Variants in FOCAD observed in about 807,000 individuals in gnomAD.
FOCAD encodes focadhesin.
A neutral mutation model predicts 225.6 loss-of-function variants in FOCAD; 198 were observed. The ratio of observed to expected loss-of-function variants is 0.88; its 90% CI spans 0.78 to 0.99. FOCAD has a LOEUF of 0.99. Ranked by LOEUF, FOCAD falls within the 50% of genes least tolerant of loss-of-function variation. The pLI is 0.00. For synonymous variants in FOCAD, 897 were observed against 755.0 expected, an observed-to-expected ratio of 1.19 and a Z score of -3.08; for missense variants, 2,713 against 2,123.6, an observed-to-expected ratio of 1.28 and a Z score of -5.46.
At chr9:20,954,330 C>G (rs1299666570) in intron 35 of FOCAD, among the ~76,000 whole-genome samples, 3 of 152,216 alleles carry the variant, frequency 2.0e-5, no homozygotes, top group South Asian at 2.1e-4. Flanking sequence ...CTAAAATTTT[C>G]ATGGCCAAAC....
At chr9:20,837,969 T>G (rs2131545611) in intron 15 of FOCAD, among the ~76,000 whole-genome samples, 2 of 152,236 alleles carry the variant, frequency 1.3e-5, no homozygotes, top group East Asian at 3.9e-4. Context: ...AGAAGTTAAC[T>G]TGCTTAAAGG....
chr9:20,946,940 C>T (rs1837240942), intron 30 of FOCAD, 120 bp downstream of exon 30: 3 of 1,252,282 alleles, frequency 2.4e-6, no homozygotes, highest in Non-Finnish European at 3.3e-6. Flanking sequence ...AACTGAGGAA[C>T]TTCTAACTAT....
At chr9:20,921,565 G>A (rs7468675) in intron 24 of FOCAD, among the ~76,000 whole-genome samples, 9,302 of 152,258 alleles carry the variant, frequency 0.061, 468 homozygotes, top group East Asian at 0.23. Context: ...AAGGGAATGC[G>A]AAGATGATCA....
At chr9:20,883,357 A>G (rs1414569347) in intron 20 of FOCAD, among the ~76,000 whole-genome samples, 1 of 152,242 alleles carries the variant, frequency 6.6e-6, no homozygotes, top group Admixed American at 6.5e-5. Flanking sequence ...CAAGGAGACA[A>G]GAAAATCTAT....
intron 1 of FOCAD, among the ~76,000 whole-genome samples, chr9:20,698,452 T>C (rs1297831407): frequency 6.6e-6 from 1 of 152,072 alleles, no homozygotes; most frequent in East Asian, 1.9e-4. Context: ...CAGGCTGGAG[T>C]GTAGTGCTGC....
At chr9:20,874,621 A>G in intron 18 of FOCAD, 60 bp from the exon 19 acceptor site, 1 of 1,558,368 alleles carries the variant, frequency 6.4e-7, no homozygotes, top group Middle Eastern at 1.7e-4. Context: ...GGATACAGAA[A>G]AGATTTTGCA....
In FOCAD at chr9:20,783,295, C is replaced by T. The variant is rs532771140; in HGVS notation, c.1197+1366C>T. ...TTACTATTAGGGCTGTAAATATCCT[C>T]CTTATGATACTGTGTTGCTTTAAGG... On this transcript the variant is annotated intron_variant, in intron 10 of 43. Coordinates refer to ENST00000338382, the MANE Select transcript of FOCAD (RefSeq NM_001375567.1). Among the ~76,000 whole-genome samples the T allele has an allele frequency of 2.8e-4, 43 of 152,244 alleles. No individual in the cohort carries two copies. In the South Asian group the frequency reaches 4.6e-3, roughly 16 times the overall value.
chr9:20,733,077 C>CT (rs1478646498), intron 4 of FOCAD, among the ~76,000 whole-genome samples: 2 of 152,120 alleles, frequency 1.3e-5, no homozygotes, highest in South Asian at 4.1e-4. Context: ...CTAATCAGCT[C>CT]TTTTTTGCCC....
At chr9:20,740,998 G>C (rs571847221) in intron 5 of FOCAD, among the ~76,000 whole-genome samples, 1 of 152,180 alleles carries the variant, frequency 6.6e-6, no homozygotes, top group African/African-American at 2.4e-5. Context: ...CTCTGAGTTA[G>C]CAGAGGACCC....
At chr9:20,966,485 G>C (rs1342293659) in intron 35 of FOCAD, among the ~76,000 whole-genome samples, 1 of 151,920 alleles carries the variant, frequency 6.6e-6, no homozygotes, top group Non-Finnish European at 1.5e-5. Flanking sequence ...TCATTTACTT[G>C]ATAATACCCT....
At chr9:20,890,631 TTTC>T (rs1279357315) in intron 21 of FOCAD, among the ~76,000 whole-genome samples, 1 of 152,136 alleles carries the variant, frequency 6.6e-6, no homozygotes, top group Admixed American at 6.6e-5. Context: ...GTTCTGTAGT[TTTC>T]TTGTAGTAAT....
At chr9:20,777,067 A>T (rs979137249) in intron 8 of FOCAD, among the ~76,000 whole-genome samples, 17 of 152,134 alleles carry the variant, frequency 1.1e-4, no homozygotes, top group African/African-American at 4.1e-4. Context: ...TTAAAAATTC[A>T]CGAATTTTTT....
At chr9:20,737,463 C>A (rs1465623997) in intron 4 of FOCAD, among the ~76,000 whole-genome samples, 1 of 152,178 alleles carries the variant, frequency 6.6e-6, no homozygotes, top group Non-Finnish European at 1.5e-5. Context: ...CTGGTCATTT[C>A]AACTAATCAT....
chr9:20,739,293 C>T (rs528354445), intron 4 of FOCAD, among the ~76,000 whole-genome samples: 3 of 152,190 alleles, frequency 2.0e-5, no homozygotes, highest in African/African-American at 4.8e-5. Context: ...TAAATGTTAA[C>T]AAGCATAATT....
At position 20,724,510 on chromosome 9, in the gene FOCAD, C is replaced by T. The variant is rs146145799; in HGVS notation, c.287+3976C>T. Among the ~76,000 whole-genome samples, 496 of 152,222 alleles carry T rather than the reference C, an allele frequency of 3.3e-3. 3 individuals are homozygous for T. The highest frequency in any genetic ancestry group is 9.1e-3 in the African/African-American group (376 of 41,542). On this transcript the variant is annotated intron_variant, in intron 4 of 43. Coordinates refer to ENST00000338382, the MANE Select transcript of FOCAD (RefSeq NM_001375567.1). The stretch of plus-strand genomic sequence containing the variant: ...TTCATATTGTCTAAATTGTCATCCA[C>T]AGGGAGATATAGACAGAATAGATGC...
At chr9:20,958,152 T>C (rs1838372522) in intron 35 of FOCAD, among the ~76,000 whole-genome samples, 4 of 152,216 alleles carry the variant, frequency 2.6e-5, no homozygotes, top group Admixed American at 2.6e-4. Context: ...TTATAGAGTT[T>C]TGTAAGAATT....
intron 26 of FOCAD, chr9:20,929,120 T>C (rs1402309709): frequency 4.6e-6 from 2 of 437,600 alleles, no homozygotes; most frequent in African/African-American, 4.0e-5. Context: ...AAGACGCTTG[T>C]AATTTGGTTT....
At chr9:20,942,697 A>G (rs903449146) in intron 28 of FOCAD, among the ~76,000 whole-genome samples, 1 of 152,162 alleles carries the variant, frequency 6.6e-6, no homozygotes, top group Non-Finnish European at 1.5e-5. Context: ...TGTATACGCC[A>G]AGCAGTATAC....
At chr9:20,987,010 A>G (rs78073189) in intron 40 of FOCAD, among the ~76,000 whole-genome samples, 3,184 of 152,232 alleles carry the variant, frequency 0.021, 118 homozygotes, top group African/African-American at 0.073. Context: ...ATTACTGAAT[A>G]AGAGCGCTCC....
Sources: gnomAD v4.1 joint callset for allele counts (sites outside exome capture counted in the v4.1 genomes callset) on GRCh38, gnomAD v4.1.1 for gene constraint, MANE v1.5 for transcripts, NCBI Gene and HGNC (gene_info 2026-07-23, HGNC 2026-07-21) for gene names.